Variants in RASA3 observed in about 807,000 individuals in gnomAD.
RASA3 encodes ras GTPase-activating protein 3.
RASA3 carries 73 observed loss-of-function variants against 110.0 expected under a neutral mutation model. The ratio of observed to expected loss-of-function variants is 0.66; its 90% CI spans 0.55 to 0.81. The LOEUF is 0.81. Among genes scored for constraint, RASA3 ranks in the 30% least tolerant of loss-of-function variants. The pLI, the probability that RASA3 is intolerant of heterozygous loss-of-function variation, is 0.00. For missense variants in RASA3, 976 were observed against 1,113.2 expected (o/e 0.88, Z 1.75); for synonymous variants, 500 against 451.4 (o/e 1.11, Z -1.37).
At chr13:114,047,909 G>C (rs1364117936) in intron 3 of RASA3, among the ~76,000 whole-genome samples, 1 of 152,214 alleles carries the variant, frequency 6.6e-6, no homozygotes, top group Non-Finnish European at 1.5e-5. Context: ...CGGGCTGTGG[G>C]AACATATCTT....
rs115234430 is a variant in RASA3, at chr13:114,076,754, C to T, written c.56-2917G>A. Among the ~76,000 whole-genome samples, 974 of 151,918 alleles carry T rather than the reference C, an allele frequency of 6.4e-3. 7 individuals are homozygous for T. The highest frequency in any genetic ancestry group is 0.022 in the African/African-American group (931 of 41,438). On this transcript the variant is annotated intron_variant, in intron 1 of 23. Transcript: ENST00000334062. ...CGGCTGCCCCTGAATTTGAGGGCAG[C>T]CGCAGCACACCCAGCAAGTCGGACA... is the stretch of plus-strand genomic sequence containing the variant.
chr13:114,055,285 AG>A (rs2139579358), intron 2 of RASA3, among the ~76,000 whole-genome samples: 1 of 152,360 alleles, frequency 6.6e-6, no homozygotes, highest in Admixed American at 6.5e-5. Context: ...ATGTACACAA[AG>A]GCACCACAGA....
rs1197291803 is a variant in RASA3, at chr13:114,112,031, T to A, written c.55+20404A>T. Among the ~76,000 whole-genome samples, 5 of 152,032 alleles carry A rather than the reference T, an allele frequency of 3.3e-5. No homozygotes were observed. The highest frequency in any genetic ancestry group is 1.2e-4 in the African/African-American group (5 of 41,380). On this transcript the variant is annotated intron_variant, in intron 1 of 23. Coordinates refer to ENST00000334062, the MANE Select transcript of RASA3 (RefSeq NM_007368.4). The surrounding 1 kb of genome is among the most constrained non-coding windows in gnomAD (Gnocchi z 4.8). Reference sequence around the variant, plus strand: ...GAAGAGACAAAAGCAAAAGGCAGATTCGCCCCTTTGTGTGGTCCCGTAAGT... The same window carrying A: ...GAAGAGACAAAAGCAAAAGGCAGATACGCCCCTTTGTGTGGTCCCGTAAGT...
chr13:113,992,226 C>T (rs1025589880), intron 22 of RASA3, among the ~76,000 whole-genome samples: 2 of 152,252 alleles, frequency 1.3e-5, no homozygotes, highest in African/African-American at 4.8e-5. Context: ...TCTAAAGAAA[C>T]TTGGCAGTAC....
intron 16 of RASA3, among the ~76,000 whole-genome samples, 191 bp downstream of exon 16, chr13:114,010,980 T>C (rs888087935): frequency 2.0e-5 from 3 of 152,058 alleles, no homozygotes; most frequent in Non-Finnish European, 4.4e-5. Flanking sequence ...GGGGTTCACT[T>C]TAGGAGGGGA....
At chr13:114,113,228 A>T (rs4073530) in intron 1 of RASA3, among the ~76,000 whole-genome samples, 1 of 152,060 alleles carries the variant, frequency 6.6e-6, no homozygotes, top group Admixed American at 6.5e-5. Context: ...CTCCTGGCAC[A>T]TCGTCTCTCA....
rs764458608 is a variant in RASA3, at chr13:113,981,682, C to T, written c.2422G>A (p.Gly808Arg). Residue 808 changes from glycine to arginine, a missense_variant, in exon 23 of 24, where the codon GGA becomes AGA. Gly to Arg is a moderately radical substitution (Grantham distance 125). This residue lies in a region of RASA3 where 132 missense variants were observed against 152.8 expected (regional missense o/e 0.86). Coordinates refer to ENST00000334062, the MANE Select transcript of RASA3 (RefSeq NM_007368.4). ...KRDKFKKTKY[G>R]SQEHPIGDKS... ...CACGGGAGTGGCACTCACTGGCTTC[C>T]ATATTTCGTCTTCTTGAACTTGTCC... is the stretch of plus-strand genomic sequence containing the variant. The T allele has an allele frequency of 6.2e-6, 10 of 1,613,714 alleles. No individual in the cohort carries two copies. Among genetic ancestry groups the T allele is most frequent in the Non-Finnish European group, 5.1e-6 (6 of 1,179,882 alleles).
chr13:114,018,233 G>C lies in RASA3; in HGVS notation c.962C>G (p.Ala321Gly). The C allele has an allele frequency of 6.4e-7, 1 of 1,553,332 alleles. No individual in the cohort carries two copies. Among genetic ancestry groups the C allele is most frequent in the Non-Finnish European group, 8.7e-7 (1 of 1,148,890 alleles). Residue 321 changes from alanine to glycine, a missense_variant, in exon 11 of 24, where the codon GCC (alanine) becomes GGC (glycine). Physicochemically the swap from Ala to Gly is moderately conservative, Grantham distance 60 (BLOSUM62 0). Coordinates refer to ENST00000334062, the MANE Select transcript of RASA3 (RefSeq NM_007368.4). ...ADVEPVSASA[A>G]HILGEVCREK... ...CCGGCAAACCTCGCCCAGGATGTGG[G>C]CCGCAGACGCTGACACGGGCTGCGG...
In RASA3 at chr13:114,051,965, T is replaced by C. The variant is rs185629606; in HGVS notation, c.277+87A>G. On this transcript the variant is annotated intron_variant, in intron 3 of 23. Transcript: ENST00000334062. ...GCCCTGCAGCGACCCCTCAGCACCATCCAGCCAGGCTCTGGACTGAAATGC... is the reference window on the plus strand; with the variant it reads ...GCCCTGCAGCGACCCCTCAGCACCACCCAGCCAGGCTCTGGACTGAAATGC... 5.0e-4 allele frequency: 542 copies of C among 1,094,460 alleles called. 2 individuals are homozygous for C. The African/African-American group carries it at 6.8e-3, about 14-fold the overall frequency. The allele number at this position is 1,094,460 out of a possible 1,614,324, so 67.8% of individuals were successfully genotyped here.
At chr13:114,054,669 G>A (rs2079206589) in intron 2 of RASA3, among the ~76,000 whole-genome samples, 1 of 152,248 alleles carries the variant, frequency 6.6e-6, no homozygotes. Flanking sequence ...AAAATGCCTA[G>A]GTTGTTTTAA....
chr13:113,994,367 T>C (rs1179944228), intron 21 of RASA3, among the ~76,000 whole-genome samples: 2 of 152,228 alleles, frequency 1.3e-5, no homozygotes, highest in Non-Finnish European at 2.9e-5. Flanking sequence ...TGGGTGGTTA[T>C]AGTTCTGTGT....
intron 1 of RASA3, among the ~76,000 whole-genome samples, chr13:114,124,722 G>T (rs1594483006): frequency 1.3e-5 from 2 of 152,364 alleles, no homozygotes; most frequent in East Asian, 3.9e-4. Flanking sequence ...CGGCCTGACG[G>T]AGCCGCTCCT....
At chr13:114,116,879 A>G (rs866412258) in intron 1 of RASA3, among the ~76,000 whole-genome samples, 144 of 59,864 alleles carry the variant, frequency 2.4e-3, no homozygotes, top group Middle Eastern at 0.017. Flanking sequence ...GTGCACATGT[A>G]TGAGGGGTGC....
chr13:114,029,405 G>C (rs2054100150), intron 5 of RASA3, among the ~76,000 whole-genome samples: 1 of 35,046 alleles, frequency 2.9e-5, no homozygotes, highest in Non-Finnish European at 4.8e-5. Flanking sequence ...ACGTCATCCT[G>C]GGGGCCAGGA....
At chr13:114,104,511 C>T (rs1208993986) in intron 1 of RASA3, among the ~76,000 whole-genome samples, 1 of 152,162 alleles carries the variant, frequency 6.6e-6, no homozygotes, top group Non-Finnish European at 1.5e-5. Context: ...CTGACCCTGT[C>T]ATCAGGGGCG....
chr13:114,011,857 G>C lies in RASA3; in HGVS notation c.1513-609C>G, dbSNP rs561882369. Among the ~76,000 whole-genome samples the C allele has an allele frequency of 4.0e-4, 61 of 152,180 alleles. 1 individual carries two copies. The highest frequency in any genetic ancestry group is 6.8e-3 in the Middle Eastern group (2 of 294). On this transcript the variant is annotated intron_variant, in intron 15 of 23. Transcript: ENST00000334062. This position sits in a 1 kb window ranked among gnomAD's most constrained non-coding sequence, Gnocchi z 4.8. ...GAATTGCTTGAACCCAGGAGGCAGAGGTTGCAGTGAGCTGAGATGGTACCA... is the reference window on the plus strand; with the variant it reads ...GAATTGCTTGAACCCAGGAGGCAGACGTTGCAGTGAGCTGAGATGGTACCA...
At chr13:114,081,294 T>C (rs2079784974) in intron 1 of RASA3, among the ~76,000 whole-genome samples, 1 of 152,062 alleles carries the variant, frequency 6.6e-6, no homozygotes, top group Admixed American at 6.5e-5. Context: ...GGAGGAGACC[T>C]GGCCTTGGAG....
At chr13:114,098,493 A>G (rs2079976170) in intron 1 of RASA3, among the ~76,000 whole-genome samples, 1 of 152,152 alleles carries the variant, frequency 6.6e-6, no homozygotes. Flanking sequence ...TGAGGCAGAG[A>G]CGTGAACAGG....
intron 13 of RASA3, among the ~76,000 whole-genome samples, chr13:114,015,560 G>A (rs1017502431): frequency 2.6e-5 from 4 of 152,244 alleles, no homozygotes; most frequent in South Asian, 2.1e-4. Flanking sequence ...TCCCCGGCTC[G>A]GCCCCGACCT....
Sources: gnomAD v4.1 joint callset for allele counts (sites outside exome capture counted in the v4.1 genomes callset) on GRCh38, gnomAD v4.1.1 for gene constraint, gnomAD v4.1.1 regional missense constraint, Gnocchi (gnomAD v3.1) non-coding constraint, MANE v1.5 for transcripts, NCBI Gene and HGNC (gene_info 2026-07-23, HGNC 2026-07-21) for gene names.